TPTE2: variants seen among roughly 807,000 people sequenced by gnomAD.
TPTE2 encodes transmembrane phosphoinositide 3-phosphatase and tensin homolog 2.
A neutral mutation model predicts 78.6 loss-of-function variants in TPTE2; 53 were observed. The ratio of observed to expected loss-of-function variants is 0.67; its 90% CI spans 0.54 to 0.85. The LOEUF is 0.85. Ranked by LOEUF, TPTE2 falls within the 40% of genes least tolerant of loss-of-function variation. The pLI, the probability that TPTE2 is intolerant of heterozygous loss-of-function variation, is 0.00. For missense variants in TPTE2, 461 were observed against 623.0 expected, an observed-to-expected ratio of 0.74 and a Z score of 2.77; for synonymous variants, 175 against 206.2, an observed-to-expected ratio of 0.85 and a Z score of 1.30.
chr13:19,550,002 G>T, the TPTE2 span, among the ~76,000 whole-genome samples: 1 of 105,644 alleles, frequency 9.5e-6, no homozygotes, highest in Non-Finnish European at 2.2e-5. Flanking sequence ...GCCTATTCGA[G>T]GGGGGAGGGT....
At chr13:19,508,557 T>C (rs1869223461) in intron 1 of TPTE2, among the ~76,000 whole-genome samples, 1 of 152,084 alleles carries the variant, frequency 6.6e-6, no homozygotes, top group South Asian at 2.1e-4. Flanking sequence ...AATAGTAGTT[T>C]GGATACATGT....
At chr13:19,470,635 C>T (rs915393277) in intron 6 of TPTE2, among the ~76,000 whole-genome samples, 5 of 151,754 alleles carry the variant, frequency 3.3e-5, no homozygotes, top group African/African-American at 1.2e-4. Flanking sequence ...AAGTGATTCT[C>T]CTGCCTCAGC....
upstream of TPTE2, among the ~76,000 whole-genome samples, chr13:19,540,304 TATTATG>T (rs927626870): frequency 9.7e-4 from 145 of 149,478 alleles, 1 homozygote; most frequent in South Asian, 2.1e-3. Flanking sequence ...TTATTATTAT[TATTATG>T]GTTTTTTTTA....
intron 10 of TPTE2, among the ~76,000 whole-genome samples, chr13:19,463,617 A>ATG (rs1185050022): frequency 6.6e-6 from 1 of 152,026 alleles, no homozygotes; most frequent in Non-Finnish European, 1.5e-5. Flanking sequence ...GCCTCTTCCA[A>ATG]TGTTAGAGAG....
At chr13:19,483,486 C>T (rs780310182) in intron 3 of TPTE2, among the ~76,000 whole-genome samples, 1 of 152,058 alleles carries the variant, frequency 6.6e-6, no homozygotes, top group African/African-American at 2.4e-5. Context: ...TCTGTCATAT[C>T]TGTCATGAGG....
chr13:19,504,975 A>C (rs1868903372), upstream of TPTE2, among the ~76,000 whole-genome samples: 1 of 152,056 alleles, frequency 6.6e-6, no homozygotes, highest in African/African-American at 2.4e-5. Flanking sequence ...TGGTTCTATC[A>C]CAGGTCATTG....
the TPTE2 span, among the ~76,000 whole-genome samples, chr13:19,551,652 T>C: frequency 2.6e-5 from 4 of 152,144 alleles, no homozygotes; most frequent in African/African-American, 9.7e-5. Context: ...TGTAAGTCTC[T>C]AAAGTTTTCC....
chr13:19,459,125 A>G (rs1447397997), intron 10 of TPTE2, among the ~76,000 whole-genome samples: 1 of 152,052 alleles, frequency 6.6e-6, no homozygotes, highest in East Asian at 1.9e-4. Context: ...GACTGGCATG[A>G]GATGGTATCT....
chr13:19,506,282 C>G (rs1658865458), upstream of TPTE2, among the ~76,000 whole-genome samples: 1 of 145,128 alleles, frequency 6.9e-6, no homozygotes, highest in Non-Finnish European at 1.5e-5. Context: ...CGCCATTCTC[C>G]TGCCTCAGCC....
chr13:19,523,746 C>T (rs1870326967), intron 1 of TPTE2, among the ~76,000 whole-genome samples: 1 of 152,186 alleles, frequency 6.6e-6, no homozygotes, highest in Non-Finnish European at 1.5e-5. Context: ...AAAGGGATTA[C>T]AGGCATGAGC....
chr13:19,527,698 A>C (rs1395096778), intron 1 of TPTE2, among the ~76,000 whole-genome samples: 1 of 152,048 alleles, frequency 6.6e-6, no homozygotes, highest in Non-Finnish European at 1.5e-5. Flanking sequence ...AACATGACAA[A>C]ACCCATCTCA....
intron 1 of TPTE2, among the ~76,000 whole-genome samples, chr13:19,498,016 G>T (rs1490295502): frequency 9.9e-5 from 15 of 151,266 alleles, no homozygotes; most frequent in Non-Finnish European, 1.6e-4. Flanking sequence ...GAAGCCTCAG[G>T]AGCCGATGCG....
chr13:19,552,281 C>A, the TPTE2 span, among the ~76,000 whole-genome samples: 1 of 152,088 alleles, frequency 6.6e-6, no homozygotes, highest in Non-Finnish European at 1.5e-5. Context: ...ACCTGTTGAG[C>A]GATTAGAAAA....
intron 6 of TPTE2, among the ~76,000 whole-genome samples, chr13:19,469,778 T>G (rs1476043033): frequency 2.6e-5 from 4 of 152,226 alleles, no homozygotes; most frequent in African/African-American, 9.6e-5. Flanking sequence ...TAATTTTATT[T>G]GTGGCTATTG....
intron 3 of TPTE2, 41 bp from the exon 7 acceptor site, chr13:19,482,588 T>G (rs1283608682): frequency 2.5e-6 from 4 of 1,606,126 alleles, no homozygotes; most frequent in Non-Finnish European, 3.4e-6. Context: ...TATCATTAGA[T>G]ATTTGCTACA....
rs563026199 is a variant in TPTE2, at chr13:19,427,225, C to T, written c.1303-708G>A. ...TCAGCCTCCCAAGTAGCTGGGACTA[C>T]AGGCACGTGCCACCATGCCCAGCTA... On this transcript the variant is annotated intron_variant, in intron 17 of 19. Transcript: ENST00000400230. Among the ~76,000 whole-genome samples the T allele has an allele frequency of 2.7e-4, 41 of 151,494 alleles. 1 individual carries two copies. In the Middle Eastern group the frequency reaches 0.014, roughly 51 times the overall value.
chr13:19,522,183 T>G (rs1870193119), intron 1 of TPTE2, among the ~76,000 whole-genome samples: 1 of 152,230 alleles, frequency 6.6e-6, no homozygotes, highest in South Asian at 2.1e-4. Flanking sequence ...CCAACTGTCA[T>G]GGCATCACAG....
At chr13:19,549,966 C>T in the TPTE2 span, among the ~76,000 whole-genome samples, 10 of 80,810 alleles carry the variant, frequency 1.2e-4, no homozygotes, top group African/African-American at 3.0e-4. Context: ...CATATAGGCA[C>T]AAAGAAGGGA....
intron 1 of TPTE2, among the ~76,000 whole-genome samples, chr13:19,517,958 A>T (rs1464777284): frequency 6.6e-6 from 1 of 152,118 alleles, no homozygotes; most frequent in Non-Finnish European, 1.5e-5. Flanking sequence ...AATGGAGGGG[A>T]TTCTTCTTAT....
Sources: allele counts gnomAD v4.1 joint callset (sites outside exome capture counted in the v4.1 genomes callset), GRCh38; gene constraint gnomAD v4.1.1; transcripts MANE v1.5; gene names NCBI Gene and HGNC (gene_info 2026-07-23, HGNC 2026-07-21).